The following C1orf21 variants were observed in gnomAD, a reference collection of about 807,000 sequenced individuals.
The protein encoded by C1orf21 is chromosome 1 open reading frame 21.
Under a neutral mutation model 18.7 loss-of-function variants are expected in C1orf21, and 3 were observed. The ratio of observed to expected loss-of-function variants is 0.16; its 90% CI spans 0.07 to 0.42. The LOEUF is 0.42. Among genes scored for constraint, C1orf21 ranks in the 10% least tolerant of loss-of-function variants. The pLI is 0.99. For synonymous variants in C1orf21, 41 were observed against 46.4 expected, an observed-to-expected ratio of 0.88 and a Z score of 0.47; for missense variants, 104 against 143.6, an observed-to-expected ratio of 0.72 and a Z score of 1.41.
intron 1 of C1orf21, among the ~76,000 whole-genome samples, chr1:184,403,522 C>G (rs1656197521): frequency 6.6e-6 from 1 of 152,134 alleles, no homozygotes; most frequent in South Asian, 2.1e-4. Context: ...ATACATGAGA[C>G]TTCAGAGGTG....
At chr1:184,534,873 G>A (rs1006333923) in intron 3 of C1orf21, among the ~76,000 whole-genome samples, 1 of 152,038 alleles carries the variant, frequency 6.6e-6, no homozygotes, top group Non-Finnish European at 1.5e-5. Context: ...AGATTGGGGC[G>A]GGTGACAGCC....
At chr1:184,588,372 G>T (rs143728462) in intron 3 of C1orf21, among the ~76,000 whole-genome samples, 75 of 152,272 alleles carry the variant, frequency 4.9e-4, no homozygotes, top group African/African-American at 1.8e-3. Context: ...TTTAACAAAT[G>T]GGATTTTTTT....
intron 1 of C1orf21, among the ~76,000 whole-genome samples, chr1:184,461,790 TAAAC>T (rs1259607114): frequency 6.6e-6 from 1 of 152,100 alleles, no homozygotes; most frequent in Non-Finnish European, 1.5e-5. Flanking sequence ...GACGTACAAA[TAAAC>T]AGCCTCGCAC....
chr1:184,488,724 G>T (rs1305143669), intron 2 of C1orf21, among the ~76,000 whole-genome samples: 1 of 152,216 alleles, frequency 6.6e-6, no homozygotes, highest in Non-Finnish European at 1.5e-5. Context: ...CAGCACTTTG[G>T]GAGGCCGAGG....
chr1:184,433,630 A>G (rs913924352), intron 1 of C1orf21, among the ~76,000 whole-genome samples: 1 of 152,218 alleles, frequency 6.6e-6, no homozygotes, highest in Non-Finnish European at 1.5e-5. Flanking sequence ...CACATTATAA[A>G]ATAGAAAAAT....
rs765465181 is a variant in C1orf21 at position 184,598,368 on chromosome 1, A to G, written c.267-33A>G. 3.1e-6 allele frequency: 5 copies of G among 1,604,094 alleles called. No homozygotes were observed. The South Asian group carries it at 4.5e-5, about 14-fold the overall frequency. ...AGGGGACCAGGTTTAGCAAAGCACT[A>G]AAATATGCACTTAACTACCCTTTGT... On this transcript the variant is annotated intron_variant, in intron 4 of 5. Coordinates refer to ENST00000235307, the MANE Select transcript of C1orf21 (RefSeq NM_030806.4).
chr1:184,409,571 C>A (rs543693588), intron 1 of C1orf21, among the ~76,000 whole-genome samples: 139 of 152,282 alleles, frequency 9.1e-4, no homozygotes, highest in Non-Finnish European at 1.6e-3. Context: ...GTTATGACAA[C>A]TAGCTCCTTA....
intron 1 of C1orf21, among the ~76,000 whole-genome samples, chr1:184,448,531 C>G (rs1362696981): frequency 2.0e-5 from 3 of 152,182 alleles, no homozygotes; most frequent in African/African-American, 7.2e-5. Flanking sequence ...GAGCTGTGAA[C>G]TAACCAGTTA....
intron 3 of C1orf21, among the ~76,000 whole-genome samples, chr1:184,516,457 T>G (rs1390349461): frequency 2.0e-5 from 3 of 152,206 alleles, no homozygotes; most frequent in Non-Finnish European, 4.4e-5. Context: ...ACATCTTTAC[T>G]GGATTAGTCC....
At chr1:184,430,720 C>T (rs1006740084) in intron 1 of C1orf21, among the ~76,000 whole-genome samples, 2 of 152,150 alleles carry the variant, frequency 1.3e-5, no homozygotes, top group Non-Finnish European at 1.5e-5. Flanking sequence ...TCTAATTAGC[C>T]TTGGAATATT....
chr1:184,396,516 G>A lies in C1orf21; in HGVS notation c.-125+9148G>A, dbSNP rs1304070192. Among the ~76,000 whole-genome samples, 4 of 152,188 alleles carry A rather than the reference G, an allele frequency of 2.6e-5. No individual in the cohort carries two copies. The East Asian group carries it at 7.7e-4, about 29-fold the overall frequency. ...GCTGTGGAAGCTAATAGCCATTAGA[G>A]GGAAAGATAATTAACTCAGTTTGCA... On this transcript the variant is annotated intron_variant, in intron 1 of 5. Transcript: ENST00000235307.
chr1:184,401,551 C>T (rs1656151903), intron 1 of C1orf21, among the ~76,000 whole-genome samples: 1 of 152,040 alleles, frequency 6.6e-6, no homozygotes, highest in African/African-American at 2.4e-5. Flanking sequence ...TTAGGGATAA[C>T]ATCCCTAATA....
chr1:184,398,762 A>T (rs73061677), intron 1 of C1orf21, among the ~76,000 whole-genome samples: 13,994 of 152,218 alleles, frequency 0.092, 1,959 homozygotes, highest in African/African-American at 0.3. Flanking sequence ...GTATCCAAAC[A>T]TCTAAATATA....
At chr1:184,449,849 C>T (rs1657096213) in intron 1 of C1orf21, among the ~76,000 whole-genome samples, 2 of 152,134 alleles carry the variant, frequency 1.3e-5, no homozygotes, top group African/African-American at 2.4e-5. Context: ...ATATCACTTT[C>T]CTTCAGTGTT....
chr1:184,615,654 A>C (rs1659809690), intron 5 of C1orf21, among the ~76,000 whole-genome samples: 1 of 152,202 alleles, frequency 6.6e-6, no homozygotes, highest in Non-Finnish European at 1.5e-5. Context: ...TTTAAAAATT[A>C]AATGAGACAT....
rs914684201 is a variant in C1orf21 at position 184,591,809 on chromosome 1, G to GA, written c.266+1008dup. 9.4e-3 allele frequency among the ~76,000 whole-genome samples: 1,217 copies of GA among 129,442 alleles called. 11 individuals are homozygous for GA. The highest frequency in any genetic ancestry group is 0.029 in the African/African-American group (1,012 of 35,362). The allele number at this position is 129,442 out of a possible 152,430, so 84.9% of individuals were successfully genotyped here. The stretch of plus-strand genomic sequence containing the variant: ...CGACAGAGCGAGACTCCATCTCAAG[G>GA]AAAAAAAAAAAAAAGAAAATATAAT... On this transcript the variant is annotated intron_variant, in intron 4 of 5. Transcript: ENST00000235307.
At position 184,416,594 on chromosome 1, in the gene C1orf21, C is replaced by T. The variant is rs569703991; in HGVS notation, c.-125+29226C>T. On this transcript the variant is annotated intron_variant, in intron 1 of 5. Transcript: ENST00000235307. ...TTTCCCTTCAAAGTCAGGTAATGAT[C>T]CTCATGAGAAAACTGGTTTCATTGC... is the stretch of plus-strand genomic sequence containing the variant. Among the ~76,000 whole-genome samples the T allele has an allele frequency of 2.4e-3, 371 of 152,234 alleles. 1 individual carries two copies. The highest frequency in any genetic ancestry group is 3.0e-3 in the Non-Finnish European group (201 of 68,012).
intron 3 of C1orf21, among the ~76,000 whole-genome samples, chr1:184,589,925 G>A (rs1044528178): frequency 6.6e-6 from 1 of 152,122 alleles, no homozygotes; most frequent in African/African-American, 2.4e-5. Context: ...TCTAGATTTG[G>A]TCTTTAATTG....
At chr1:184,599,824 G>A (rs1450586371) in intron 5 of C1orf21, among the ~76,000 whole-genome samples, 1 of 152,188 alleles carries the variant, frequency 6.6e-6, no homozygotes, top group Non-Finnish European at 1.5e-5. Flanking sequence ...TTTGAGTGCA[G>A]ACATGATGCT....
Sources: gnomAD v4.1 joint callset for allele counts (sites outside exome capture counted in the v4.1 genomes callset) on GRCh38, gnomAD v4.1.1 for gene constraint, MANE v1.5 for transcripts, NCBI Gene and HGNC (gene_info 2026-07-23, HGNC 2026-07-21) for gene names.